Variants in SMG1 observed in about 807,000 individuals in gnomAD.
SMG1 encodes serine/threonine-protein kinase SMG1.
Under a neutral mutation model 419.9 loss-of-function variants are expected in SMG1, and 22 were observed. The observed-to-expected ratio is 0.05, with a 90% CI of 0.04 to 0.07. SMG1 has a LOEUF of 0.07. SMG1 is among the 10% of genes least tolerant of loss of function. SMG1 has a pLI of 1.00. For synonymous variants in SMG1, 1,538 were observed against 1,553.5 expected (o/e 0.99, Z 0.23); for missense variants, 3,185 against 4,342.0 (o/e 0.73, Z 7.49).
intron 1 of SMG1, among the ~76,000 whole-genome samples, chr16:18,912,123 T>C (rs990752163): frequency 6.7e-6 from 1 of 148,544 alleles, no homozygotes; most frequent in African/African-American, 2.5e-5. Flanking sequence ...TAAAGACACT[T>C]AGAGAGGAAT....
chr16:18,851,398 C>T (rs192664931), intron 33 of SMG1, among the ~76,000 whole-genome samples: 2 of 150,430 alleles, frequency 1.3e-5, no homozygotes, highest in African/African-American at 5.0e-5. Context: ...TAAATACACA[C>T]ACACACACAC....
At position 18,828,061 on chromosome 16, in the gene SMG1, G is replaced by A. The variant is rs1320124230; in HGVS notation, c.9711C>T (p.Ser3237=). ...CTGTTGCAATAGAAGTTTCAATCTG[G>A]CTCAGGGTATGCAGCTTCTTTTTCA... is the stretch of plus-strand genomic sequence containing the variant. ...TSMKKKLHTL[S]QIETSIATVQ... Residue 3237 remains serine (S), a synonymous_variant, in exon 55 of 63, where the codon AGC becomes AGT. Coordinates refer to ENST00000446231, the MANE Select transcript of SMG1 (RefSeq NM_015092.5). The A allele has an allele frequency of 6.2e-7, 1 of 1,612,970 alleles. No homozygotes were observed. Among genetic ancestry groups the A allele is most frequent in the Non-Finnish European group, 8.5e-7 (1 of 1,179,404 alleles).
chr16:18,859,315 A>G (rs995798920), intron 27 of SMG1, 134 bp from the exon 28 acceptor site: 1 of 652,596 alleles, frequency 1.5e-6, no homozygotes, highest in African/African-American at 1.8e-5. Flanking sequence ...CTGCTCTATA[A>G]TAAAATGATA....
In SMG1 at chr16:18,926,258, G is replaced by A; in HGVS notation, c.-217C>T. 1.9e-6 allele frequency: 1 copy of A among 537,484 alleles called. No individual in the cohort carries two copies. The highest frequency in any genetic ancestry group is 2.4e-5 in the South Asian group (1 of 42,094). 33.3% of individuals were successfully genotyped at this position (537,484 alleles called of 1,614,324 possible). On this transcript the variant is annotated 5_prime_UTR_variant, in exon 1 of 63. Transcript: ENST00000446231. The stretch of plus-strand genomic sequence containing the variant: ...GCCTGAGCCCGCAGCGCAGGACGAG[G>A]AGGCGGGAGCGGCGCGGTGAGAGAG...
intron 40 of SMG1, among the ~76,000 whole-genome samples, chr16:18,842,005 T>C (rs1374546621): frequency 6.6e-6 from 1 of 152,164 alleles, no homozygotes; most frequent in Non-Finnish European, 1.5e-5. Context: ...TACAAGTTCA[T>C]ACACAAAGTG....
At position 18,864,049 on chromosome 16, in the gene SMG1, A is replaced by G. The variant is rs1219165462; in HGVS notation, c.3446T>C (p.Leu1149Ser). ...ISSFDKSVLT[L>S]ANAGRNSASP... ...GGCACTGTTACGCCCAGCATTGGCT[A>G]AGGTGAGCACCGATTTGTCAAAGCT... Residue 1149 changes from leucine (L) to serine (S), a missense_variant, in exon 24 of 63, where the codon TTA (leucine) becomes TCA (serine). Leu to Ser is a moderately radical substitution (Grantham distance 145). This residue lies in a region of SMG1 where 121 missense variants were observed against 125.4 expected (regional missense o/e 0.96). Coordinates refer to ENST00000446231, the MANE Select transcript of SMG1 (RefSeq NM_015092.5). 12 of 1,549,958 alleles carry G rather than the reference A, an allele frequency of 7.7e-6. No homozygotes were observed. The highest frequency in any genetic ancestry group is 1.0e-5 in the Non-Finnish European group (12 of 1,146,984).
chr16:18,907,454 CAA>C (rs769886540), intron 1 of SMG1, among the ~76,000 whole-genome samples: 23 of 152,050 alleles, frequency 1.5e-4, no homozygotes, highest in Non-Finnish European at 2.9e-4. Flanking sequence ...CTCCTGGGCT[CAA>C]GAGATCCTCT....
chr16:18,833,112 T>A lies in SMG1; in HGVS notation c.8620A>T (p.Met2874Leu). 1.2e-6 allele frequency: 2 copies of A among 1,614,024 alleles called. No homozygotes were observed. The highest frequency in any genetic ancestry group is 1.7e-6 in the Non-Finnish European group (2 of 1,179,892). ...CTTTCTAACGTGTATTCCCCTTTCA[T>A]TAAACATCGAAGTGCTTCTGGAAAT... ...IIFPEALRCL[M>L]KGEYTLESML... is the part of the protein sequence containing the mutation. Residue 2874 changes from methionine to leucine, a missense_variant, in exon 51 of 63, where the codon ATG (methionine) becomes TTG (leucine). Transcript: ENST00000446231.
At chr16:18,841,420 T>C in intron 41 of SMG1, 145 bp downstream of exon 41, 1 of 534,080 alleles carries the variant, frequency 1.9e-6, no homozygotes, top group Non-Finnish European at 3.2e-6. Flanking sequence ...AAAAAAAAAG[T>C]ACCTCAAAAA....
intron 16 of SMG1, 22 bp downstream of exon 16, chr16:18,871,342 A>G (rs762035984): frequency 2.1e-5 from 26 of 1,248,138 alleles, no homozygotes; most frequent in Middle Eastern, 2.8e-4. Context: ...AAATAGAAAA[A>G]AAAAAAAAAA....
chr16:18,864,190 T>TCTC, intron 23 of SMG1, 46 bp from the exon 24 acceptor site: 1 of 773,726 alleles, frequency 1.3e-6, no homozygotes. Context: ...CTACTTACTT[T>TCTC]TTTTTTTTTT....
chr16:18,885,624 T>C lies in SMG1; in HGVS notation c.865A>G (p.Thr289Ala). 1.3e-6 allele frequency: 2 copies of C among 1,595,916 alleles called. No individual in the cohort carries two copies. The highest frequency in any genetic ancestry group is 1.7e-6 in the Non-Finnish European group (2 of 1,179,436). The change falls in exon 7 of 63, where the codon ACA becomes GCA. Residue 289 changes from threonine (T) to alanine (A), a missense_variant. By Grantham distance (58) the Thr-to-Ala change is moderately conservative. This residue lies in a region of SMG1 where 53 missense variants were observed against 56.3 expected (regional missense o/e 0.94). Transcript: ENST00000446231. ...ACACATTTACAAAGCAATTCTGGTG[T>C]ATCCACATTTTCAAGAATAGACTGC... is the stretch of plus-strand genomic sequence containing the variant. The part of the protein sequence containing the change: ...SLQSILENVD[T>A]PELLCKCVKC...
At chr16:18,922,192 C>A (rs2038223761) in intron 1 of SMG1, among the ~76,000 whole-genome samples, 1 of 152,184 alleles carries the variant, frequency 6.6e-6, no homozygotes, top group African/African-American at 2.4e-5. Context: ...TCATTCTGAT[C>A]TCTGTCTTGA....
chr16:18,845,775 G>A, intron 38 of SMG1, 124 bp from the exon 39 acceptor site: 4 of 725,950 alleles, frequency 5.5e-6, no homozygotes, highest in Non-Finnish European at 9.0e-6. Flanking sequence ...TCTAAATAAA[G>A]CAATAACATA....
chr16:18,830,416 C>T, intron 51 of SMG1, 47 bp from the exon 52 acceptor site: 1 of 1,598,504 alleles, frequency 6.3e-7, no homozygotes, highest in Non-Finnish European at 8.6e-7. Context: ...AAAGTAATGC[C>T]TTTGGTGGGA....
rs758409138 is a variant in SMG1, at chr16:18,829,389, T to G, written c.9500A>C (p.Asp3167Ala). The change falls in exon 54 of 63, where the codon GAC (aspartate) becomes GCC (alanine). Residue 3167 changes from aspartate (D) to alanine (A), a missense_variant. By Grantham distance (126) the Asp-to-Ala change is moderately radical (BLOSUM62 -2). Transcript: ENST00000446231. ...CAAGTCATGCTTCTTCCAGGCAGTG[T>G]CGTAAGAACTTGCTAACACAGTTGC... ...NRATVLASSY[D>A]TAWKKHDLVR... is the part of the protein sequence containing the mutation. The G allele has an allele frequency of 6.2e-7, 1 of 1,614,018 alleles. No individual in the cohort carries two copies. Among genetic ancestry groups the G allele is most frequent in the Non-Finnish European group, 8.5e-7 (1 of 1,179,896 alleles).
chr16:18,894,680 A>AC (rs1491237427), intron 3 of SMG1, among the ~76,000 whole-genome samples: 1 of 39,256 alleles, frequency 2.5e-5, no homozygotes, highest in African/African-American at 2.1e-4. Context: ...ACACAGTATT[A>AC]AAAAAAAAAA....
In SMG1 at chr16:18,872,549, G is replaced by T; in HGVS notation, c.1966C>A (p.His656Asn). 7 of 1,511,690 alleles carry T rather than the reference G, an allele frequency of 4.6e-6. No homozygotes were observed. The highest frequency in any genetic ancestry group is 6.2e-6 in the Non-Finnish European group (7 of 1,125,642). 93.6% of individuals were successfully genotyped at this position (1,511,690 alleles called of 1,614,324 possible). ...LMIVHSDLAV[H>N]FPAIQYAVLY... ...ACAGCATACTGAATGGCAGGGAAGTGAACAGCCAGGTCACTGTGCACAATC... is the reference window on the plus strand; with the variant it reads ...ACAGCATACTGAATGGCAGGGAAGTTAACAGCCAGGTCACTGTGCACAATC... The change falls in exon 14 of 63, where the codon CAC becomes AAC. Residue 656 changes from histidine (H) to asparagine (N), a missense_variant. By Grantham distance (68) the His-to-Asn change is moderately conservative (BLOSUM62 1). This residue lies in a region of SMG1 where 297 missense variants were observed against 491.0 expected (regional missense o/e 0.60). Transcript: ENST00000446231.
chr16:18,906,036 C>G (rs149303505), intron 1 of SMG1, among the ~76,000 whole-genome samples: 2 of 152,290 alleles, frequency 1.3e-5, no homozygotes, highest in East Asian at 1.9e-4. Flanking sequence ...CCTGGATAAA[C>G]TCAATGATCC....
Sources: allele counts gnomAD v4.1 joint callset (sites outside exome capture counted in the v4.1 genomes callset), GRCh38; gene constraint gnomAD v4.1.1; regional missense constraint gnomAD v4.1.1; transcripts MANE v1.5; gene names NCBI Gene and HGNC (gene_info 2026-07-23, HGNC 2026-07-21).